Variants in ATAD2B observed in about 807,000 individuals in gnomAD.
ATAD2B encodes ATPase family AAA domain containing 2B, also known as ATPase family AAA domain-containing protein 2B.
A neutral mutation model predicts 167.6 loss-of-function variants in ATAD2B; 40 were observed. The observed-to-expected ratio is 0.24, with a 90% CI of 0.19 to 0.31. The LOEUF (loss-of-function observed/expected upper bound fraction) is 0.31, where lower values mean the gene tolerates loss of function less well. ATAD2B is among the 10% of genes least tolerant of loss of function. ATAD2B has a pLI of 1.00. For synonymous variants in ATAD2B, 579 were observed against 596.5 expected (o/e 0.97, Z 0.43); for missense variants, 1,242 against 1,757.2 (o/e 0.71, Z 5.24).
intron 22 of ATAD2B, among the ~76,000 whole-genome samples, chr2:23,781,365 TAAATAAATA>T (rs1211741593): frequency 5.7e-4 from 86 of 151,232 alleles, no homozygotes; most frequent in African/African-American, 1.7e-3. Context: ...AATAAATAAA[TAAATAAATA>T]AATAATCAGG....
At chr2:23,774,296 T>C (rs1214420450) in intron 22 of ATAD2B, among the ~76,000 whole-genome samples, 1 of 151,986 alleles carries the variant, frequency 6.6e-6, no homozygotes, top group Non-Finnish European at 1.5e-5. Context: ...CAAAAAATTT[T>C]AAAATTAACC....
At chr2:23,790,686 C>T (rs974646760) in intron 19 of ATAD2B, among the ~76,000 whole-genome samples, 2 of 152,188 alleles carry the variant, frequency 1.3e-5, no homozygotes, top group East Asian at 1.9e-4. Context: ...ATTCCCAGAA[C>T]AAATCACGCT....
intron 8 of ATAD2B, among the ~76,000 whole-genome samples, chr2:23,869,982 G>A (rs1378525983): frequency 1.3e-5 from 2 of 152,022 alleles, no homozygotes; most frequent in Non-Finnish European, 2.9e-5. Context: ...AGTCAAGGTG[G>A]GTGGATCATG....
Position 23,867,794 on chromosome 2 carries a change from A to T in ATAD2B, c.1188+41T>A, listed in dbSNP as rs189757472. On this transcript the variant is annotated intron_variant, in intron 10 of 27. Coordinates refer to ENST00000238789, the MANE Select transcript of ATAD2B (RefSeq NM_017552.4). ...CTTTAGAAACAAGAAAAAAACTTTTAAAAAAAAGAAAACTTCTAGAAAAAC... is the reference window on the plus strand; with the variant it reads ...CTTTAGAAACAAGAAAAAAACTTTTTAAAAAAAGAAAACTTCTAGAAAAAC... 277 of 1,443,670 alleles carry T rather than the reference A, an allele frequency of 1.9e-4. 1 individual carries two copies. In the African/African-American group the frequency reaches 3.4e-3, roughly 18 times the overall value. The allele number at this position is 1,443,670 out of a possible 1,614,324, so 89.4% of individuals were successfully genotyped here.
chr2:23,740,850 A>G, the ATAD2B span, among the ~76,000 whole-genome samples: 1 of 152,358 alleles, frequency 6.6e-6, no homozygotes, highest in South Asian at 2.1e-4. Flanking sequence ...CAACTTCAGC[A>G]AAGTCTCAGG....
At chr2:23,681,017 G>A in the ATAD2B span, among the ~76,000 whole-genome samples, 1 of 152,218 alleles carries the variant, frequency 6.6e-6, no homozygotes, top group Non-Finnish European at 1.5e-5. This position sits in a 1 kb window ranked among gnomAD's most constrained non-coding sequence, Gnocchi z 4.2. Context: ...AGAGATCAGG[G>A]AGTGTCCTTT....
intron 10 of ATAD2B, 102 bp downstream of exon 10, chr2:23,867,733 T>C (rs572618302): frequency 1.3e-6 from 1 of 782,740 alleles, no homozygotes; most frequent in Non-Finnish European, 2.1e-6. Flanking sequence ...ACATTAACAC[T>C]GTCATATCCG....
intron 8 of ATAD2B, among the ~76,000 whole-genome samples, chr2:23,870,357 G>A (rs932746663): frequency 2.7e-5 from 4 of 149,872 alleles, no homozygotes; most frequent in African/African-American, 9.8e-5. Context: ...CAAGGTCAGG[G>A]CTCACTACAG....
At chr2:23,741,154 T>C in the ATAD2B span, among the ~76,000 whole-genome samples, 2 of 151,228 alleles carry the variant, frequency 1.3e-5, no homozygotes, top group African/African-American at 4.8e-5. Context: ...TTCAATGCCA[T>C]CCCAATCAAG....
chr2:23,682,473 C>G, the ATAD2B span, among the ~76,000 whole-genome samples: 3 of 152,326 alleles, frequency 2.0e-5, no homozygotes, highest in Admixed American at 2.0e-4. The surrounding 1 kb of genome is among the most constrained non-coding windows in gnomAD (Gnocchi z 4.1). Flanking sequence ...CCCATCCTGC[C>G]TCTGTGTGGA....
At chr2:23,789,583 T>C (rs1317470039) in intron 19 of ATAD2B, among the ~76,000 whole-genome samples, 1 of 152,154 alleles carries the variant, frequency 6.6e-6, no homozygotes, top group Non-Finnish European at 1.5e-5. Context: ...GTCACCAGTA[T>C]GGAAAGATAG....
intron 15 of ATAD2B, among the ~76,000 whole-genome samples, chr2:23,828,580 T>C (rs1372355850): frequency 6.6e-6 from 1 of 152,220 alleles, no homozygotes; most frequent in Non-Finnish European, 1.5e-5. Context: ...AAGGAGACCC[T>C]GTATTAATAT....
intron 22 of ATAD2B, among the ~76,000 whole-genome samples, chr2:23,782,524 A>G (rs1485964369): frequency 6.6e-6 from 1 of 152,228 alleles, no homozygotes; most frequent in Non-Finnish European, 1.5e-5. Context: ...TTTGACACAT[A>G]AACTGATCCT....
intron 22 of ATAD2B, among the ~76,000 whole-genome samples, chr2:23,766,979 T>A (rs1677513762): frequency 1.3e-5 from 2 of 151,636 alleles, no homozygotes; most frequent in African/African-American, 4.8e-5. Context: ...AATCCTGCTG[T>A]AAAGAGTTTG....
At chr2:23,906,812 T>C (rs1444952510) in intron 1 of ATAD2B, among the ~76,000 whole-genome samples, 1 of 151,956 alleles carries the variant, frequency 6.6e-6, no homozygotes, top group Non-Finnish European at 1.5e-5. Context: ...GCTGGTTCAA[T>C]ACACGCAAAT....
the ATAD2B span, chr2:23,697,396 C>G: frequency 1.3e-5 from 2 of 152,230 alleles, no homozygotes; most frequent in Admixed American, 6.5e-5. Flanking sequence ...GAGGGTAACC[C>G]GTCAGGCTGA....
chr2:23,811,748 A>AAAAT (rs990742125), intron 17 of ATAD2B, among the ~76,000 whole-genome samples: 56 of 152,158 alleles, frequency 3.7e-4, no homozygotes, highest in Non-Finnish European at 6.5e-4. Flanking sequence ...AAGTATAATA[A>AAAAT]AAATAAATAA....
Position 23,762,240 on chromosome 2 carries a change from A to G in ATAD2B, c.3363T>C (p.Asp1121=). The G allele has an allele frequency of 6.2e-7, 1 of 1,613,620 alleles. No individual in the cohort carries two copies. The highest frequency in any genetic ancestry group is 1.3e-5 in the African/African-American group (1 of 74,996). ...ATTTATTTGCAGAGTTGTGCCACAC[A>G]TCCATTGGATTTCTTTGTTTGTGCC... is the stretch of plus-strand genomic sequence containing the variant. ...AFRHKQRNPM[D]VWHNSANKCA... Residue 1121 remains aspartate, a synonymous_variant, in exon 24 of 28, where the codon GAT becomes GAC. Coordinates refer to ENST00000238789, the MANE Select transcript of ATAD2B (RefSeq NM_017552.4).
At chr2:23,831,311 TAGA>T (rs1489660262) in intron 14 of ATAD2B, among the ~76,000 whole-genome samples, 3 of 152,198 alleles carry the variant, frequency 2.0e-5, no homozygotes, top group Non-Finnish European at 4.4e-5. Context: ...TTATTGCATA[TAGA>T]AGATGTGTAC....
Sources: allele counts gnomAD v4.1 joint callset (sites outside exome capture counted in the v4.1 genomes callset), GRCh38; gene constraint gnomAD v4.1.1; non-coding constraint Gnocchi (gnomAD v3.1); transcripts MANE v1.5; gene names NCBI Gene and HGNC (gene_info 2026-07-23, HGNC 2026-07-21).